Variants in ZNF761 observed in about 807,000 individuals in gnomAD.
ZNF761 encodes the protein zinc finger protein 761.
A neutral mutation model predicts 59.9 loss-of-function variants in ZNF761; 43 were observed. The observed-to-expected ratio is 0.72, with a 90% confidence interval of 0.56 to 0.92. ZNF761 has a LOEUF of 0.92. ZNF761 is among the 40% of genes least tolerant of loss of function. The probability of loss-of-function intolerance (pLI) is 0.00; values close to 1 mark genes in which losing one functional copy is unlikely to be tolerated. For missense variants in ZNF761, 850 were observed against 906.1 expected (o/e 0.94, Z 0.79); for synonymous variants, 294 against 304.8 (o/e 0.96, Z 0.37).
In ZNF761 at chr19:53,457,084, A is replaced by G. The variant is rs2708740; in HGVS notation, c.*336A>G. 0.37 allele frequency: 219,825 copies of G among 598,880 alleles called. 45,170 individuals carry two copies. Among genetic ancestry groups the G allele is most frequent in the Admixed American group, 0.52 (21,615 of 41,220 alleles). 37.1% of individuals were successfully genotyped at this position (598,880 alleles called of 1,614,324 possible). ...GGAGAGAAACCTTACCAGTGTAATG[A>G]GTGTGGCAAAGCCTTTAGTAGGCAG... is the stretch of plus-strand genomic sequence containing the variant. On this transcript the variant is annotated 3_prime_UTR_variant, in exon 5 of 5. Coordinates refer to ENST00000684525, the MANE Select transcript of ZNF761 (RefSeq NM_001289951.2).
chr19:53,434,721 G>A (rs80132266), intron 1 of ZNF761, among the ~76,000 whole-genome samples: 30 of 152,298 alleles, frequency 2.0e-4, no homozygotes, highest in Admixed American at 1.1e-3. Flanking sequence ...GCATCGGTTC[G>A]GGGGAAGAGT....
intron 1 of ZNF761, among the ~76,000 whole-genome samples, chr19:53,433,889 C>T (rs1441341952): frequency 3.3e-5 from 5 of 152,260 alleles, no homozygotes; most frequent in Non-Finnish European, 1.5e-5. Context: ...CGGACTGGAA[C>T]GTGGGCTAAT....
At position 53,448,462 on chromosome 19, in the gene ZNF761, G is replaced by A. The variant is rs1253948806; in HGVS notation, c.16-1050G>A. Among the ~76,000 whole-genome samples, 3 of 152,134 alleles carry A rather than the reference G, an allele frequency of 2.0e-5. No individual in the cohort carries two copies. The East Asian group carries it at 5.8e-4, about 29-fold the overall frequency. On this transcript the variant is annotated intron_variant, in intron 3 of 4. Transcript: ENST00000684525. ...CTCCACCCTCCTTCCAGCCTCACTGGGGAGCCACTACTGTCAGTTCTGTGC... is the reference window on the plus strand; with the variant it reads ...CTCCACCCTCCTTCCAGCCTCACTGAGGAGCCACTACTGTCAGTTCTGTGC...
chr19:53,433,067 G>T (rs553830878), intron 1 of ZNF761, among the ~76,000 whole-genome samples: 105 of 151,110 alleles, frequency 6.9e-4, no homozygotes, highest in Admixed American at 1.3e-3. Context: ...AGGGAAGAGA[G>T]AATTTAACGG....
At position 53,447,703 on chromosome 19, in the gene ZNF761, G is replaced by A. The variant is rs539180612; in HGVS notation, c.15+420G>A. ...AATTCTAGAAAAGGTGACCAAGATC[G>A]AGAAATGTTTTCTGCCTGATTTTAT... On this transcript the variant is annotated intron_variant, in intron 3 of 4. Coordinates refer to ENST00000684525, the MANE Select transcript of ZNF761 (RefSeq NM_001289951.2). 9.2e-5 allele frequency among the ~76,000 whole-genome samples: 14 copies of A among 152,306 alleles called. No homozygotes were observed. In the South Asian group the frequency reaches 2.9e-3, roughly 32 times the overall value.
In ZNF761 at chr19:53,450,166, G is replaced by A. The variant is rs1377537901; in HGVS notation, c.142+528G>A. On this transcript the variant is annotated intron_variant, in intron 4 of 4. Coordinates refer to ENST00000684525, the MANE Select transcript of ZNF761 (RefSeq NM_001289951.2). ...AAAAATAGAAAAATTAGCCGGGTGT[G>A]GTGGCATGGGCCTGTAATCCCAGCT... 4 of 215,692 alleles carry A rather than the reference G, an allele frequency of 1.9e-5. No individual in the cohort carries two copies. In the South Asian group the frequency reaches 5.3e-4, roughly 28 times the overall value. 13.4% of individuals were successfully genotyped at this position (215,692 alleles called of 1,614,324 possible). A position where few individuals can be genotyped will look rare whatever the true frequency, so the allele number is the denominator to read the frequency against.
chr19:53,447,340 C>T, intron 3 of ZNF761, 57 bp downstream of exon 3: 1 of 1,602,460 alleles, frequency 6.2e-7, no homozygotes. Flanking sequence ...AATGCTGGGC[C>T]TTGGAGTTGG....
At chr19:53,446,690 G>C (rs1454356714) in intron 2 of ZNF761, among the ~76,000 whole-genome samples, 1 of 144,100 alleles carries the variant, frequency 6.9e-6, no homozygotes, top group Non-Finnish European at 1.6e-5. Context: ...TTTATTTTTC[G>C]TAGAGACAGG....
Position 53,446,689 on chromosome 19 carries a change from C to T in ZNF761, c.-74+352C>T, listed in dbSNP as rs138093517. Among the ~76,000 whole-genome samples, 1,111 of 144,412 alleles carry T rather than the reference C, an allele frequency of 7.7e-3. 14 individuals are homozygous for T. The highest frequency in any genetic ancestry group is 0.025 in the Middle Eastern group (7 of 280). 94.7% of individuals were successfully genotyped at this position (144,412 alleles called of 152,430 possible). On this transcript the variant is annotated intron_variant, in intron 2 of 4. Transcript: ENST00000684525. ...AGCCTGGCTCAGTTTTTTTATTTTT[C>T]GTAGAGACAGGGTTTCACAGTGTTG...
intron 1 of ZNF761, among the ~76,000 whole-genome samples, chr19:53,436,691 G>A (rs1243232041): frequency 1.3e-5 from 2 of 152,102 alleles, no homozygotes; most frequent in Admixed American, 6.5e-5. Flanking sequence ...TTTCAGCTAC[G>A]AATGCTGGCC....
intron 4 of ZNF761, among the ~76,000 whole-genome samples, chr19:53,452,519 A>T (rs1439179087): frequency 2.0e-5 from 3 of 152,048 alleles, no homozygotes; most frequent in Admixed American, 2.0e-4. Context: ...GAATCATGCC[A>T]CTACACTCCA....
Position 53,456,904 on chromosome 19 carries a change from T to A in ZNF761, c.*156T>A. 3.3e-6 allele frequency: 3 copies of A among 899,904 alleles called. No individual in the cohort carries two copies. Among genetic ancestry groups the A allele is most frequent in the South Asian group, 1.6e-5 (1 of 61,592 alleles). The allele number at this position is 899,904 out of a possible 1,614,324, so 55.7% of individuals were successfully genotyped here. A position where few individuals can be genotyped will look rare whatever the true frequency, so the allele number is the denominator to read the frequency against. ...GAGAATTCATACTGGAGAGAAAGCT[T>A]ATAAATGTGAAGAATGTCACAAAGT... is the stretch of plus-strand genomic sequence containing the variant. On this transcript the variant is annotated 3_prime_UTR_variant, in exon 5 of 5. Transcript: ENST00000684525.
In ZNF761 at chr19:53,455,214, T is replaced by G; in HGVS notation, c.707T>G (p.Ile236Ser). ...YSSLLRKHQI[I>S]HLADKYKCDV... is the part of the protein sequence containing the mutation. ...TCACTCTTAAGGAAACATCAGATAA[T>G]CCATTTAGCAGACAAATATAAATGT... The change falls in exon 5 of 5, where the codon ATC (isoleucine) becomes AGC (serine). Residue 236 changes from isoleucine to serine, a missense_variant. Coordinates refer to ENST00000684525, the MANE Select transcript of ZNF761 (RefSeq NM_001289951.2). The G allele has an allele frequency of 6.2e-7, 1 of 1,614,218 alleles. No individual in the cohort carries two copies.
intron 4 of ZNF761, among the ~76,000 whole-genome samples, chr19:53,450,762 T>C (rs1254298051): frequency 9.9e-5 from 15 of 152,102 alleles, no homozygotes; most frequent in Non-Finnish European, 1.6e-4. Flanking sequence ...TTTGGGAGGC[T>C]GAGGCAGGCA....
chr19:53,446,968 G>A (rs2086166941), intron 2 of ZNF761, among the ~76,000 whole-genome samples: 1 of 151,098 alleles, frequency 6.6e-6, no homozygotes, highest in Admixed American at 6.6e-5. Flanking sequence ...CCAGGGCTGG[G>A]TCAGGAAGGG....
chr19:53,454,522 T>G, intron 4 of ZNF761, 128 bp from the exon 5 acceptor site: 1 of 927,366 alleles, frequency 1.1e-6, no homozygotes, highest in South Asian at 2.3e-5. Flanking sequence ...GCTTTTCTGT[T>G]CCTAAACTTT....
At chr19:53,442,309 C>G (rs1475428897) in intron 1 of ZNF761, 22 of 1,257,478 alleles carry the variant, frequency 1.7e-5, no homozygotes, top group Non-Finnish European at 2.4e-5. Context: ...GCTGAGCTGG[C>G]AGAGTCCCGT....
At chr19:53,438,171 G>T (rs541070809) in intron 1 of ZNF761, among the ~76,000 whole-genome samples, 1 of 142,028 alleles carries the variant, frequency 7.0e-6, no homozygotes, top group Non-Finnish European at 1.5e-5. Context: ...GTTGTGTAAG[G>T]GTTTTCACAT....
intron 1 of ZNF761, chr19:53,441,788 A>C: frequency 9.8e-7 from 1 of 1,020,504 alleles, no homozygotes; most frequent in South Asian, 1.3e-5. Flanking sequence ...TTTAATTCAT[A>C]ATCACAGAGA....
Sources: allele counts gnomAD v4.1 joint callset (sites outside exome capture counted in the v4.1 genomes callset), GRCh38; gene constraint gnomAD v4.1.1; transcripts MANE v1.5; gene names NCBI Gene and HGNC (gene_info 2026-07-23, HGNC 2026-07-21).